SNTG1: variants seen among roughly 807,000 people sequenced by gnomAD.
The protein encoded by SNTG1 is gamma-1-syntrophin.
Under a neutral mutation model 74.7 loss-of-function variants are expected in SNTG1, and 39 were observed. The observed-to-expected ratio is 0.52, with a 90% CI of 0.40 to 0.68. The LOEUF (loss-of-function observed/expected upper bound fraction) is 0.68, where lower values mean the gene tolerates loss of function less well. Ranked by LOEUF, SNTG1 falls within the 30% of genes least tolerant of loss-of-function variation. The probability of loss-of-function intolerance (pLI) is 0.00; values close to 1 mark genes in which losing one functional copy is unlikely to be tolerated. For missense variants in SNTG1, 685 were observed against 609.5 expected (o/e 1.12, Z -1.30); for synonymous variants, 254 against 217.1 (o/e 1.17, Z -1.49).
At chr8:50,272,964 G>A (rs945595681) in intron 2 of SNTG1, among the ~76,000 whole-genome samples, 8 of 151,248 alleles carry the variant, frequency 5.3e-5, no homozygotes, top group African/African-American at 1.9e-4. Flanking sequence ...GGCTGGTCTA[G>A]AACTCCTGGC....
chr8:50,665,384 G>A (rs555561132), intron 15 of SNTG1, among the ~76,000 whole-genome samples: 18 of 152,104 alleles, frequency 1.2e-4, no homozygotes, highest in African/African-American at 4.3e-4. Context: ...ATATTGGTAT[G>A]CAGCCTCAGT....
intron 1 of SNTG1, among the ~76,000 whole-genome samples, chr8:50,017,910 G>T (rs1351643101): frequency 6.6e-6 from 1 of 151,846 alleles, no homozygotes; most frequent in Non-Finnish European, 1.5e-5. Context: ...TATGAAAAAA[G>T]GTCTAGCAGA....
At chr8:49,969,979 A>C (rs1318135127) in intron 1 of SNTG1, among the ~76,000 whole-genome samples, 1 of 151,796 alleles carries the variant, frequency 6.6e-6, no homozygotes, top group East Asian at 1.9e-4. Context: ...AATCCTTATA[A>C]AACAAGACTG....
At chr8:50,451,748 G>C (rs994057400) in intron 8 of SNTG1, among the ~76,000 whole-genome samples, 1 of 152,024 alleles carries the variant, frequency 6.6e-6, no homozygotes, top group African/African-American at 2.4e-5. Context: ...GAAAGGTTAA[G>C]GAACTTCTGT....
At chr8:50,138,843 A>G (rs1162756360) in intron 1 of SNTG1, among the ~76,000 whole-genome samples, 1 of 152,012 alleles carries the variant, frequency 6.6e-6, no homozygotes, top group Non-Finnish European at 1.5e-5. Context: ...GGATTATTGC[A>G]TATTTTCCTA....
intron 1 of SNTG1, among the ~76,000 whole-genome samples, chr8:49,972,305 C>T (rs1354418341): frequency 6.6e-6 from 1 of 152,158 alleles, no homozygotes; most frequent in Non-Finnish European, 1.5e-5. Flanking sequence ...GGAAAACTGG[C>T]TAGCCATATG....
At chr8:50,246,303 T>C (rs2086395981) in intron 2 of SNTG1, among the ~76,000 whole-genome samples, 2 of 151,618 alleles carry the variant, frequency 1.3e-5, no homozygotes, top group Non-Finnish European at 2.9e-5. Context: ...AAAAAGTGTG[T>C]GGAAAAATGG....
chr8:50,253,125 C>T (rs1563801805), intron 2 of SNTG1, among the ~76,000 whole-genome samples: 1 of 152,074 alleles, frequency 6.6e-6, no homozygotes, highest in Non-Finnish European at 1.5e-5. Flanking sequence ...ACGGAGATTA[C>T]TTTAAGAATT....
chr8:50,388,667 A>T (rs1401633542), intron 2 of SNTG1, among the ~76,000 whole-genome samples: 1 of 152,194 alleles, frequency 6.6e-6, no homozygotes, highest in Non-Finnish European at 1.5e-5. Flanking sequence ...GCAGAAGCTG[A>T]TGATGCAGTC....
chr8:50,532,398 A>G (rs1264676342), intron 10 of SNTG1, among the ~76,000 whole-genome samples: 1 of 152,244 alleles, frequency 6.6e-6, no homozygotes, highest in Non-Finnish European at 1.5e-5. Flanking sequence ...ATTAAGATCC[A>G]GATCTATAGA....
intron 8 of SNTG1, among the ~76,000 whole-genome samples, chr8:50,463,170 C>A (rs1417948498): frequency 3.3e-5 from 5 of 152,134 alleles, no homozygotes; most frequent in Non-Finnish European, 7.4e-5. Flanking sequence ...GTTGTTGTTT[C>A]CTACACTGAA....
chr8:49,975,839 G>C lies in SNTG1; in HGVS notation c.-103+63608G>C, dbSNP rs117370985. Reference sequence around the variant, plus strand: ...TAATTTTAACAGTTTTTGTCTTAGAGATAAATTAATGGGATTGAGAATTTG... The same window carrying C: ...TAATTTTAACAGTTTTTGTCTTAGACATAAATTAATGGGATTGAGAATTTG... On this transcript the variant is annotated intron_variant, in intron 1 of 18. Transcript: ENST00000642720. Among the ~76,000 whole-genome samples the C allele has an allele frequency of 2.7e-4, 41 of 151,962 alleles. 1 individual carries two copies. The East Asian group carries it at 7.8e-3, about 29-fold the overall frequency.
At chr8:50,676,161 A>T (rs1204111170) in intron 15 of SNTG1, among the ~76,000 whole-genome samples, 1 of 151,784 alleles carries the variant, frequency 6.6e-6, no homozygotes, top group Non-Finnish European at 1.5e-5. Flanking sequence ...GCATTTCCTG[A>T]ATTTGCATGG....
chr8:50,269,857 A>G (rs1192891517), intron 2 of SNTG1, among the ~76,000 whole-genome samples: 1 of 152,160 alleles, frequency 6.6e-6, no homozygotes, highest in Non-Finnish European at 1.5e-5. Flanking sequence ...ACGTATACAC[A>G]TTTACTCTAT....
At chr8:50,621,482 T>C (rs2094923104) in intron 13 of SNTG1, among the ~76,000 whole-genome samples, 1 of 152,256 alleles carries the variant, frequency 6.6e-6, no homozygotes, top group Non-Finnish European at 1.5e-5. Context: ...TAATGTTTGA[T>C]AGCCATTATT....
At chr8:50,769,542 T>C (rs1314817470) in intron 18 of SNTG1, among the ~76,000 whole-genome samples, 2 of 151,938 alleles carry the variant, frequency 1.3e-5, no homozygotes, top group African/African-American at 2.4e-5. Context: ...AGGGTAGAAA[T>C]AATAAACTGC....
chr8:50,308,911 A>T (rs983738448), intron 2 of SNTG1, among the ~76,000 whole-genome samples: 1 of 151,916 alleles, frequency 6.6e-6, no homozygotes, highest in African/African-American at 2.4e-5. Flanking sequence ...TTTTTTTTTA[A>T]ATGTTTCTAT....
intron 2 of SNTG1, among the ~76,000 whole-genome samples, chr8:50,384,355 T>C (rs1226873350): frequency 6.6e-6 from 1 of 152,218 alleles, no homozygotes; most frequent in East Asian, 1.9e-4. Flanking sequence ...GTATGGAATA[T>C]GATGACAGTT....
intron 13 of SNTG1, among the ~76,000 whole-genome samples, chr8:50,598,835 G>A (rs1430621579): frequency 6.6e-6 from 1 of 151,808 alleles, no homozygotes; most frequent in African/African-American, 2.4e-5. Context: ...TGTGGCCATT[G>A]TAAATGAAAT....
Sources: allele counts gnomAD v4.1 joint callset (sites outside exome capture counted in the v4.1 genomes callset), GRCh38; gene constraint gnomAD v4.1.1; transcripts MANE v1.5; gene names NCBI Gene and HGNC (gene_info 2026-07-23, HGNC 2026-07-21).